PLEKHA7: variants seen among roughly 807,000 people sequenced by gnomAD.
The protein encoded by PLEKHA7 is pleckstrin homology domain containing A7, also known as pleckstrin homology domain-containing family A member 7.
PLEKHA7 carries 104 observed loss-of-function variants against 170.0 expected under a neutral mutation model. That is an observed-to-expected ratio of 0.61 (90% confidence interval 0.52 to 0.72). The LOEUF (loss-of-function observed/expected upper bound fraction) is 0.72. PLEKHA7 is among the 30% of genes least tolerant of loss of function. The probability of loss-of-function intolerance (pLI) is 0.00; values close to 1 mark genes in which losing one functional copy is unlikely to be tolerated. For synonymous variants in PLEKHA7, 648 were observed against 660.8 expected (o/e 0.98, Z 0.30); for missense variants, 1,615 against 1,671.7 (o/e 0.97, Z 0.59).
intron 4 of PLEKHA7, 104 bp from the exon 5 acceptor site, chr11:16,856,018 A>G (rs1407426612): frequency 1.1e-5 from 10 of 907,512 alleles, no homozygotes; most frequent in Non-Finnish European, 1.6e-5. Flanking sequence ...CCTTAGAACA[A>G]CCCAACCCTG....
chr11:16,858,807 A>G (rs1291046339), intron 4 of PLEKHA7, among the ~76,000 whole-genome samples: 1 of 152,170 alleles, frequency 6.6e-6, no homozygotes, highest in Non-Finnish European at 1.5e-5. Flanking sequence ...AAAGATTTTT[A>G]AATCATCTCA....
rs112595767 is a variant in PLEKHA7 at position 16,963,104 on chromosome 11, C to G, written c.221+50885G>C. Among the ~76,000 whole-genome samples, 514 of 152,326 alleles carry G rather than the reference C, an allele frequency of 3.4e-3. 1 individual carries two copies. The highest frequency in any genetic ancestry group is 3.7e-3 in the Non-Finnish European group (249 of 68,038). On this transcript the variant is annotated intron_variant, in intron 3 of 26. Transcript: ENST00000531066. The stretch of plus-strand genomic sequence containing the variant: ...TGACCCAGGATGTATCACGGAAAGA[C>G]AAGGCCTTGTACACAGTGCAGTCCT...
intron 7 of PLEKHA7, among the ~76,000 whole-genome samples, chr11:16,851,690 C>G (rs529248830): frequency 3.9e-5 from 6 of 152,256 alleles, no homozygotes; most frequent in African/African-American, 1.4e-4. Context: ...CTCAGGTGAT[C>G]CACCTGCCTC....
intron 3 of PLEKHA7, among the ~76,000 whole-genome samples, chr11:16,948,166 G>C (rs1427807762): frequency 6.6e-6 from 1 of 152,132 alleles, no homozygotes; most frequent in Non-Finnish European, 1.5e-5. Context: ...GGTTACCAGA[G>C]GCTGGGGTGG....
chr11:16,863,215 A>T (rs1425626801), intron 4 of PLEKHA7, among the ~76,000 whole-genome samples: 1 of 152,176 alleles, frequency 6.6e-6, no homozygotes, highest in Non-Finnish European at 1.5e-5. Context: ...TTTAGCAAAG[A>T]GGTCAAAGAT....
At chr11:16,972,324 G>A (rs959013083) in intron 3 of PLEKHA7, among the ~76,000 whole-genome samples, 8 of 151,950 alleles carry the variant, frequency 5.3e-5, no homozygotes, top group African/African-American at 1.7e-4. Context: ...GTTTTGTCAT[G>A]TTGCCCAGGC....
At chr11:16,877,335 G>T (rs1855377297) in intron 3 of PLEKHA7, among the ~76,000 whole-genome samples, 1 of 152,110 alleles carries the variant, frequency 6.6e-6, no homozygotes, top group Non-Finnish European at 1.5e-5. Context: ...CTCAAAACTG[G>T]AAATTGAAAC....
intron 3 of PLEKHA7, among the ~76,000 whole-genome samples, chr11:16,980,786 C>A (rs1863379173): frequency 6.6e-6 from 1 of 151,994 alleles, no homozygotes; most frequent in Non-Finnish European, 1.5e-5. Context: ...TAGCAGGAGG[C>A]TGAGGCAGGA....
intron 3 of PLEKHA7, among the ~76,000 whole-genome samples, chr11:16,879,033 A>T (rs1435024943): frequency 2.0e-5 from 3 of 152,224 alleles, no homozygotes; most frequent in Non-Finnish European, 4.4e-5. Context: ...AATCAAAGAA[A>T]GGAATGCAAA....
At chr11:16,889,413 AAAAAAAAATATATATATAT>A (rs1565076210) in intron 3 of PLEKHA7, among the ~76,000 whole-genome samples, 1 of 116,448 alleles carries the variant, frequency 8.6e-6, no homozygotes, top group African/African-American at 3.6e-5. Context: ...AAAAAAAAAA[AAAAAAAAATATATATATAT>A]ATATATATAT....
intron 3 of PLEKHA7, among the ~76,000 whole-genome samples, chr11:16,947,686 C>A (rs570063537): frequency 6.6e-6 from 1 of 151,670 alleles, no homozygotes; most frequent in East Asian, 1.9e-4. Flanking sequence ...GAGGCTGAGG[C>A]GGGTGGATTG....
chr11:16,970,770 C>T (rs1862662528), intron 3 of PLEKHA7, among the ~76,000 whole-genome samples: 1 of 151,938 alleles, frequency 6.6e-6, no homozygotes, highest in Admixed American at 6.5e-5. Context: ...GTTAAGGAAG[C>T]AAGAATCAAA....
chr11:16,790,037 C>T lies in PLEKHA7; in HGVS notation c.3053-159G>A, dbSNP rs1847730414. ...CCCAGGGCATGGAGGAGCAAGGTCCCCAATAGAGGATGGGGGCCAGCCCAG... is the reference window on the plus strand; with the variant it reads ...CCCAGGGCATGGAGGAGCAAGGTCCTCAATAGAGGATGGGGGCCAGCCCAG... On this transcript the variant is annotated intron_variant, in intron 21 of 26. Coordinates refer to ENST00000531066, the MANE Select transcript of PLEKHA7 (RefSeq NM_001329630.2). 6 of 689,604 alleles carry T rather than the reference C, an allele frequency of 8.7e-6. No homozygotes were observed. In the Middle Eastern group the frequency reaches 9.2e-4, roughly 106 times the overall value. 42.7% of individuals were successfully genotyped at this position (689,604 alleles called of 1,614,324 possible). A position where few individuals can be genotyped will look rare whatever the true frequency, so the allele number is the denominator to read the frequency against.
intron 4 of PLEKHA7, among the ~76,000 whole-genome samples, chr11:16,859,329 T>C (rs932867824): frequency 2.0e-5 from 3 of 152,228 alleles, no homozygotes; most frequent in African/African-American, 7.2e-5. Flanking sequence ...TAAGGATGAC[T>C]ATGACTTTTG....
rs948895833 is a variant in PLEKHA7 at position 16,803,453 on chromosome 11, T to C, written c.2008-158A>G. ...CAAAAACTTGGGCCATACTTCGCTATTTCTATGCCTATTTCATTTTAGGAA... is the reference window on the plus strand; with the variant it reads ...CAAAAACTTGGGCCATACTTCGCTACTTCTATGCCTATTTCATTTTAGGAA... On this transcript the variant is annotated intron_variant, in intron 13 of 26. Coordinates refer to ENST00000531066, the MANE Select transcript of PLEKHA7 (RefSeq NM_001329630.2). The C allele has an allele frequency of 4.5e-6, 3 of 659,606 alleles. No individual in the cohort carries two copies. The African/African-American group carries it at 5.4e-5, about 12-fold the overall frequency. 40.9% of individuals were successfully genotyped at this position (659,606 alleles called of 1,614,324 possible).
At chr11:16,831,799 C>G (rs1386202335) in intron 9 of PLEKHA7, among the ~76,000 whole-genome samples, 1 of 152,148 alleles carries the variant, frequency 6.6e-6, no homozygotes, top group Non-Finnish European at 1.5e-5. Flanking sequence ...ATTAATGGTG[C>G]ACAGAAACAG....
At chr11:16,891,741 A>C (rs1463059899) in intron 3 of PLEKHA7, among the ~76,000 whole-genome samples, 1 of 152,184 alleles carries the variant, frequency 6.6e-6, no homozygotes, top group Non-Finnish European at 1.5e-5. Flanking sequence ...ACTTCTAGGA[A>C]TCATACCTGC....
Position 16,782,791 on chromosome 11 carries a change from C to G in PLEKHA7, c.3756G>C (p.Leu1252=). ...TGCTACGCTGGGAGGCCTCGGAGGC[C>G]AGGGCGTAGGAGATGTTGATGATGC... ...QERIINISYA[L]ASEASQRSKQ... The change falls in exon 26 of 27, where the codon CTG becomes CTC. Residue 1252 remains leucine, a synonymous_variant. Coordinates refer to ENST00000531066, the MANE Select transcript of PLEKHA7 (RefSeq NM_001329630.2). 1 of 1,536,184 alleles carries G rather than the reference C, an allele frequency of 6.5e-7. No individual in the cohort carries two copies. The highest frequency in any genetic ancestry group is 8.7e-7 in the Non-Finnish European group (1 of 1,146,914).
At chr11:16,814,970 C>T (rs217749) in intron 12 of PLEKHA7, among the ~76,000 whole-genome samples, 12,816 of 152,304 alleles carry the variant, frequency 0.084, 739 homozygotes, top group Non-Finnish European at 0.13. Context: ...GCCCCTACAC[C>T]ACATGCAGCC....
Sources: gnomAD v4.1 joint callset for allele counts (sites outside exome capture counted in the v4.1 genomes callset) on GRCh38, gnomAD v4.1.1 for gene constraint, MANE v1.5 for transcripts, NCBI Gene and HGNC (gene_info 2026-07-23, HGNC 2026-07-21) for gene names.